The following OGG1 variants were observed in gnomAD, a reference collection of about 807,000 sequenced individuals.
OGG1 encodes 8-oxoguanine DNA glycosylase, also known as N-glycosylase/DNA lyase.
Under a neutral mutation model 42.3 loss-of-function variants are expected in OGG1, and 35 were observed. The observed-to-expected ratio is 0.83, with a 90% CI of 0.63 to 1.10. OGG1 has a LOEUF of 1.10. OGG1 is among the 50% of genes least tolerant of loss of function. The pLI is 0.00. For missense variants in OGG1, 484 were observed against 446.7 expected (o/e 1.08, Z -0.75); for synonymous variants, 189 against 179.0 (o/e 1.06, Z -0.44).
intron 3 of OGG1, among the ~76,000 whole-genome samples, chr3:9,752,552 A>AAAAAAAT (rs1553700331): frequency 2.1e-5 from 3 of 145,142 alleles, no homozygotes; most frequent in Non-Finnish European, 3.0e-5. Context: ...AAAAAAAAAA[A>AAAAAAAT]TTCAAGCTGG....
chr3:9,764,156 C>T (rs1471962476), intron 7 of OGG1, among the ~76,000 whole-genome samples: 1 of 152,202 alleles, frequency 6.6e-6, no homozygotes, highest in Non-Finnish European at 1.5e-5. Flanking sequence ...TCAGTTTCTT[C>T]ATCTATAAAA....
downstream of OGG1, chr3:9,770,115 T>C (rs528263458): frequency 1.3e-5 from 2 of 152,452 alleles, no homozygotes; most frequent in African/African-American, 2.4e-5. Context: ...AGAGATCTCC[T>C]GCTGGACGCT....
At chr3:9,771,112 CA>C (rs1218863660), downstream of OGG1, among the ~76,000 whole-genome samples, 1 of 151,860 alleles carries the variant, frequency 6.6e-6, no homozygotes, top group Non-Finnish European at 1.5e-5. Flanking sequence ...ACTGCAGCCT[CA>C]AACTCCTGGG....
downstream of OGG1, chr3:9,760,649 C>G (rs2077814843): frequency 1.9e-6 from 3 of 1,613,780 alleles, no homozygotes; most frequent in East Asian, 6.7e-5. Flanking sequence ...AGCAAAGCCC[C>G]AAATACCAGA....
downstream of OGG1, chr3:9,759,911 C>T: frequency 8.7e-7 from 1 of 1,145,992 alleles, no homozygotes; most frequent in Non-Finnish European, 1.2e-6. Context: ...TTCAGGCCCT[C>T]CCACCCCGTG....
rs1057440442 is a variant in OGG1, at chr3:9,750,197, C to G, written c.-90C>G. 20 of 1,508,960 alleles carry G rather than the reference C, an allele frequency of 1.3e-5. No homozygotes were observed. Among genetic ancestry groups the G allele is most frequent in the Middle Eastern group, 2.4e-4 (1 of 4,212 alleles). The allele number at this position is 1,508,960 out of a possible 1,614,324, so 93.5% of individuals were successfully genotyped here. On this transcript the variant is annotated 5_prime_UTR_variant, in exon 1 of 7. Coordinates refer to ENST00000344629, the MANE Select transcript of OGG1 (RefSeq NM_002542.6). Reference sequence around the variant, plus strand: ...ACCGTGTGGGCGAGGCCTTAAGGGTCGTGGTCCTTGTCTGGGCGGGGTCTT... The same window carrying G: ...ACCGTGTGGGCGAGGCCTTAAGGGTGGTGGTCCTTGTCTGGGCGGGGTCTT...
chr3:9,756,476 T>G lies in OGG1; in HGVS notation c.753T>G (p.Ala251=). 1 of 1,614,204 alleles carries G rather than the reference T, an allele frequency of 6.2e-7. No individual in the cohort carries two copies. The highest frequency in any genetic ancestry group is 1.3e-5 in the African/African-American group (1 of 75,070). ...TCATTCTGTGTCTGTCAAAGGTGGCTGACTGCATCTGCCTGATGGCCCTAG... is the reference window on the plus strand; with the variant it reads ...TCATTCTGTGTCTGTCAAAGGTGGCGGACTGCATCTGCCTGATGGCCCTAG... ...CILPGVGTKV[A]DCICLMALDK... The change falls in exon 5 of 7, where the codon GCT becomes GCG. Residue 251 remains alanine (A), a synonymous_variant. Transcript: ENST00000344629.
chr3:9,761,038 C>G (rs2077840553), downstream of OGG1: 2 of 441,286 alleles, frequency 4.5e-6, no homozygotes, highest in Admixed American at 3.7e-5. Flanking sequence ...TGTCTGGCTC[C>G]CTCACCACTC....
Position 9,785,215 on chromosome 3 carries a change from GC to G in OGG1, c.383-2508del, listed in dbSNP as rs111419509. On this transcript the variant is annotated intron_variant, in intron 3 of 3. Transcript: ENST00000426518. ...GACTGCTATTAGGCTTCACCTAACTGCCCCCAGCCTCTTACTGATGAGGACT... is the reference window on the plus strand; with the variant it reads ...GACTGCTATTAGGCTTCACCTAACTGCCCCAGCCTCTTACTGATGAGGACT... The G allele has an allele frequency of 1.9e-4, 159 of 846,848 alleles. 1 individual carries two copies. The African/African-American group carries it at 2.3e-3, about 12-fold the overall frequency. The allele number at this position is 846,848 out of a possible 1,614,324, so 52.5% of individuals were successfully genotyped here.
At chr3:9,756,370 C>A in intron 4 of OGG1, 101 bp from the exon 5 acceptor site, 1 of 1,151,616 alleles carries the variant, frequency 8.7e-7, no homozygotes, top group South Asian at 1.3e-5. Flanking sequence ...ACAACAGTAA[C>A]CCCAGAGTGA....
At chr3:9,772,317 G>T (rs780848912) in intron 2 of OGG1, among the ~76,000 whole-genome samples, 1 of 152,076 alleles carries the variant, frequency 6.6e-6, no homozygotes, top group East Asian at 1.9e-4. Flanking sequence ...AGATTCTTTC[G>T]CTTCCCAAGT....
chr3:9,785,174 CA>C (rs2078577918), intron 3 of OGG1: 2 of 605,190 alleles, frequency 3.3e-6, no homozygotes, highest in Non-Finnish European at 6.0e-6. Flanking sequence ...CACGCTGGGT[CA>C]TCACTCACAC....
intron 3 of OGG1, chr3:9,783,316 ATTTT>A (rs1386747138): frequency 6.6e-6 from 1 of 151,552 alleles, no homozygotes; most frequent in South Asian, 2.1e-4. Flanking sequence ...AGAAGCGTAA[ATTTT>A]TTTTCTTTTT....
At chr3:9,786,306 GCCACC>G (rs1200206027) in intron 3 of OGG1, among the ~76,000 whole-genome samples, 2 of 152,108 alleles carry the variant, frequency 1.3e-5, no homozygotes, top group African/African-American at 4.8e-5. Context: ...AGACTGCAAG[GCCACC>G]GTCAGCTGGG....
intron 3 of OGG1, chr3:9,784,311 C>A: frequency 6.9e-7 from 1 of 1,456,714 alleles, no homozygotes; most frequent in Non-Finnish European, 9.2e-7. Context: ...GAAAACCTGC[C>A]TTTCCCTTTG....
intron 2 of OGG1, among the ~76,000 whole-genome samples, chr3:9,776,757 G>C (rs2078371359): frequency 6.6e-6 from 1 of 152,096 alleles, no homozygotes; most frequent in Non-Finnish European, 1.5e-5. Context: ...CATTTCTGGA[G>C]CCTTAGTCAC....
At position 9,763,013 on chromosome 3, in the gene OGG1, T is replaced by G. The variant is rs151133089; in HGVS notation, c.1049-2796T>G. On this transcript the variant is annotated intron_variant, in intron 7 of 7. Transcript: ENST00000302008. ...TGGCGTCCCGCTCCGTGTAGAAGCCTTTTTCCACAATACGGTCAAAGAGCT... is the reference window on the plus strand; with the variant it reads ...TGGCGTCCCGCTCCGTGTAGAAGCCGTTTTCCACAATACGGTCAAAGAGCT... 9 of 1,613,882 alleles carry G rather than the reference T, an allele frequency of 5.6e-6. No homozygotes were observed. In the African/African-American group the frequency reaches 1.2e-4, roughly 22 times the overall value.
chr3:9,783,773 C>T lies in OGG1; in HGVS notation c.382+2173C>T, dbSNP rs1410732958. 2.2e-5 allele frequency: 12 copies of T among 537,918 alleles called. No homozygotes were observed. The East Asian group carries it at 4.8e-4, about 22-fold the overall frequency. The allele number at this position is 537,918 out of a possible 1,614,324, so 33.3% of individuals were successfully genotyped here. The stretch of plus-strand genomic sequence containing the variant: ...AGCCTGGGTGACAGTGCGAGACTCC[C>T]TCTCAAAAAAAAACAAAACAAAAAC... On this transcript the variant is annotated intron_variant, in intron 3 of 3. Transcript: ENST00000426518.
chr3:9,780,651 C>G, intron 2 of OGG1: 1 of 1,260,734 alleles, frequency 7.9e-7, no homozygotes, highest in South Asian at 1.4e-5. Context: ...GCTGGCATGC[C>G]TGTGGATTGT....
Sources: allele counts gnomAD v4.1 joint callset (sites outside exome capture counted in the v4.1 genomes callset), GRCh38; gene constraint gnomAD v4.1.1; transcripts MANE v1.5; gene names NCBI Gene and HGNC (gene_info 2026-07-23, HGNC 2026-07-21).